The following PIP5K1C variants were observed in gnomAD, a reference collection of about 807,000 sequenced individuals.
PIP5K1C encodes the protein phosphatidylinositol-4-phosphate 5-kinase type 1 gamma.
In PIP5K1C, 45 loss-of-function variants were observed where a neutral mutation model predicts 80.1. The observed-to-expected ratio is 0.56, with a 90% CI of 0.44 to 0.72. The LOEUF is 0.72. Among genes scored for constraint, PIP5K1C ranks in the 30% least tolerant of loss-of-function variants. The probability of loss-of-function intolerance (pLI) is 0.00; values close to 1 mark genes in which losing one functional copy is unlikely to be tolerated. For synonymous variants in PIP5K1C, 498 were observed against 420.1 expected (o/e 1.19, Z -2.27); for missense variants, 753 against 954.6 (o/e 0.79, Z 2.78).
At chr19:3,659,860 G>T (rs1270855189) in intron 5 of PIP5K1C, among the ~76,000 whole-genome samples, 1 of 152,194 alleles carries the variant, frequency 6.6e-6, no homozygotes, top group Non-Finnish European at 1.5e-5. Flanking sequence ...AAAGGCACAA[G>T]GAACCGACCA....
rs1371436526 is a variant in PIP5K1C at position 3,641,813 on chromosome 19, C to T, written c.1683-4G>A. The T allele has an allele frequency of 1.2e-6, 2 of 1,609,404 alleles. No individual in the cohort carries two copies. Among genetic ancestry groups the T allele is most frequent in the Admixed American group, 1.7e-5 (1 of 59,992 alleles). On this transcript the variant is annotated splice_region_variant and splice_polypyrimidine_tract_variant and intron_variant, in intron 14 of 17. Coordinates refer to ENST00000335312, the MANE Select transcript of PIP5K1C (RefSeq NM_012398.3). ...CGCGGGTGGCTCCTCCTGCGGCCTG[C>T]AGGCAATGGGAGGTTGTGCCTCGGT...
chr19:3,659,544 G>A (rs935704980), intron 5 of PIP5K1C, among the ~76,000 whole-genome samples: 1 of 152,344 alleles, frequency 6.6e-6, no homozygotes. Flanking sequence ...ACACGGTAGC[G>A]TCCAGGTCAC....
chr19:3,679,057 G>A (rs1008747069), intron 1 of PIP5K1C, among the ~76,000 whole-genome samples: 1 of 151,982 alleles, frequency 6.6e-6, no homozygotes, highest in African/African-American at 2.4e-5. Flanking sequence ...AGACCCAGGC[G>A]GTAAGTCGTG....
At position 3,651,862 on chromosome 19, in the gene PIP5K1C, C is replaced by A; in HGVS notation, c.1091G>T (p.Gly364Val). The A allele has an allele frequency of 1.2e-6, 2 of 1,612,564 alleles. No homozygotes were observed. Among genetic ancestry groups the A allele is most frequent in the Non-Finnish European group, 1.7e-6 (2 of 1,179,904 alleles). Reference protein sequence around the residue: ...YSTAMESIQGGAARGEAIESD... With the variant: ...YSTAMESIQGVAARGEAIESD... ...TTCGATGGCCTCCCCGCGCGCGGCG[C>A]CACCCTGGATGGACTCCATGGCCGT... Residue 364 changes from glycine (G) to valine (V), a missense_variant, in exon 8 of 18, where the codon GGC becomes GTC. Gly to Val is a moderately radical substitution (Grantham distance 109). Around this residue, in one of 6 missense-constraint regions of PIP5K1C, gnomAD observed 114 missense variants for 152.4 expected, o/e 0.75. Transcript: ENST00000335312.
chr19:3,692,645 ACGTCC>A lies in PIP5K1C; in HGVS notation c.94+7647_94+7651del, dbSNP rs1030152097. Among the ~76,000 whole-genome samples, 7 of 151,660 alleles carry A rather than the reference ACGTCC, an allele frequency of 4.6e-5. No individual in the cohort carries two copies. The highest frequency in any genetic ancestry group is 1.7e-4 in the African/African-American group (7 of 41,208). On this transcript the variant is annotated intron_variant, in intron 1 of 17. Transcript: ENST00000335312. This position sits in a 1 kb window ranked among gnomAD's most constrained non-coding sequence, Gnocchi z 5.2. The stretch of plus-strand genomic sequence containing the variant: ...CCCTCTGCCCTGGTTCCCCTAGCCC[ACGTCC>A]CGCCCTCACCCCATCTGTCCTCCCC...
intron 1 of PIP5K1C, among the ~76,000 whole-genome samples, chr19:3,674,924 T>G (rs992217599): frequency 6.6e-6 from 1 of 151,940 alleles, no homozygotes; most frequent in Non-Finnish European, 1.5e-5. Flanking sequence ...TGAAAAGGAG[T>G]GAGGCTCTGA....
At position 3,637,866 on chromosome 19, in the gene PIP5K1C, C is replaced by T. The variant is rs1028129528; in HGVS notation, c.1920+1018G>A. On this transcript the variant is annotated intron_variant, in intron 16 of 17. Transcript: ENST00000335312. This position sits in a 1 kb window ranked among gnomAD's most constrained non-coding sequence, Gnocchi z 7.0. ...AGCACGACATGGCCCCCAGGCCCCC[C>T]GTACCATCCGGAGACCAGGACGCGC... 211 of 1,535,398 alleles carry T rather than the reference C, an allele frequency of 1.4e-4. No individual in the cohort carries two copies. The African/African-American group carries it at 2.2e-3, about 16-fold the overall frequency.
At chr19:3,638,621 G>A (rs983815921) in intron 16 of PIP5K1C, among the ~76,000 whole-genome samples, 2 of 152,166 alleles carry the variant, frequency 1.3e-5, no homozygotes, top group Admixed American at 1.3e-4. Flanking sequence ...GGGTGGCTCT[G>A]GGGCCTCAGA....
chr19:3,661,218 A>C, intron 4 of PIP5K1C, 135 bp from the exon 5 acceptor site: 1 of 620,328 alleles, frequency 1.6e-6, no homozygotes, highest in Non-Finnish European at 2.9e-6. Flanking sequence ...GAAACGGCCC[A>C]ATCCCACAAG....
At chr19:3,645,735 G>A (rs1017774871) in intron 11 of PIP5K1C, among the ~76,000 whole-genome samples, 5 of 152,270 alleles carry the variant, frequency 3.3e-5, no homozygotes, top group African/African-American at 9.6e-5. Flanking sequence ...TGGGCAGGAC[G>A]AGGCCAGGCT....
At position 3,692,374 on chromosome 19, in the gene PIP5K1C, G is replaced by A. The variant is rs2035975436; in HGVS notation, c.94+7923C>T. Among the ~76,000 whole-genome samples the A allele has an allele frequency of 6.6e-6, 1 of 152,128 alleles. No homozygotes were observed. The highest frequency in any genetic ancestry group is 6.5e-5 in the Admixed American group (1 of 15,286). ...AGGGGCTCCTGGGGCCTCCCTCGCA[G>A]CTCGGCCATGCTGGGCCCCGGCGGC... On this transcript the variant is annotated intron_variant, in intron 1 of 17. Coordinates refer to ENST00000335312, the MANE Select transcript of PIP5K1C (RefSeq NM_012398.3). This position sits in a 1 kb window ranked among gnomAD's most constrained non-coding sequence, Gnocchi z 5.2.
chr19:3,636,277 C>T, intron 16 of PIP5K1C: 1 of 586,506 alleles, frequency 1.7e-6, no homozygotes, highest in Non-Finnish European at 2.2e-6. Context: ...GGGGCAGTAG[C>T]AGCTGGGACC....
chr19:3,669,225 G>C lies in PIP5K1C; in HGVS notation c.95-1872C>G, dbSNP rs575656196. Among the ~76,000 whole-genome samples the C allele has an allele frequency of 6.6e-5, 10 of 152,304 alleles. No individual in the cohort carries two copies. The South Asian group carries it at 1.7e-3, about 25-fold the overall frequency. ...CCCGTGGAGACACTCAGGCTGCGCCGGAGTGTGTGCAGGAGGGTGCGGCAG... is the reference window on the plus strand; with the variant it reads ...CCCGTGGAGACACTCAGGCTGCGCCCGAGTGTGTGCAGGAGGGTGCGGCAG... On this transcript the variant is annotated intron_variant, in intron 1 of 17. Coordinates refer to ENST00000335312, the MANE Select transcript of PIP5K1C (RefSeq NM_012398.3).
At chr19:3,652,750 A>G (rs1412656786) in intron 7 of PIP5K1C, among the ~76,000 whole-genome samples, 1 of 152,214 alleles carries the variant, frequency 6.6e-6, no homozygotes, top group Non-Finnish European at 1.5e-5. Context: ...TGTGGCCTGC[A>G]GAGCAAGCAG....
Position 3,652,624 on chromosome 19 carries a change from G to A in PIP5K1C, c.922-593C>T, listed in dbSNP as rs149747223. Among the ~76,000 whole-genome samples, 546 of 152,346 alleles carry A rather than the reference G, an allele frequency of 3.6e-3. 13 individuals are homozygous for A. Among genetic ancestry groups the A allele is most frequent in the Admixed American group, 0.024 (368 of 15,308 alleles). On this transcript the variant is annotated intron_variant, in intron 7 of 17. Coordinates refer to ENST00000335312, the MANE Select transcript of PIP5K1C (RefSeq NM_012398.3). ...GCTGCCGGGGTGGGACGGGGACGAC[G>A]GAGCTAACCCAGGCAGAGGAAGAGC...
At chr19:3,647,284 TCA>T (rs1749612308) in intron 10 of PIP5K1C, 52 bp downstream of exon 10, 1 of 1,458,652 alleles carries the variant, frequency 6.9e-7, no homozygotes, top group African/African-American at 1.6e-5. Context: ...GTGCAGGCAC[TCA>T]CAGGAGGAGG....
At chr19:3,661,260 A>G (rs2034824832) in intron 4 of PIP5K1C, among the ~76,000 whole-genome samples, 177 bp from the exon 5 acceptor site, 1 of 152,082 alleles carries the variant, frequency 6.6e-6, no homozygotes. Flanking sequence ...ACTGTCCCCC[A>G]GTAACCACCC....
rs746513708 is a variant in PIP5K1C at position 3,648,583 on chromosome 19, C to T, written c.1211+42G>A. On this transcript the variant is annotated intron_variant, in intron 9 of 17. Coordinates refer to ENST00000335312, the MANE Select transcript of PIP5K1C (RefSeq NM_012398.3). This position sits in a 1 kb window ranked among gnomAD's most constrained non-coding sequence, Gnocchi z 4.3. The stretch of plus-strand genomic sequence containing the variant: ...GGGCGCCCACCTGTGGGACTGCAGA[C>T]CCGGGGCGTCCACCTGTAGGACTGC... 6.4e-7 allele frequency: 1 copy of T among 1,559,200 alleles called. No homozygotes were observed. The highest frequency in any genetic ancestry group is 1.1e-5 in the South Asian group (1 of 89,358).
intron 1 of PIP5K1C, among the ~76,000 whole-genome samples, chr19:3,678,078 GAATGGA>G (rs2035440429): frequency 8.5e-6 from 1 of 118,320 alleles, no homozygotes; most frequent in South Asian, 3.1e-4. Flanking sequence ...GATGGAAGGA[GAATGGA>G]GGATGGAGGA....
Sources: gnomAD v4.1 joint callset for allele counts (sites outside exome capture counted in the v4.1 genomes callset) on GRCh38, gnomAD v4.1.1 for gene constraint, gnomAD v4.1.1 regional missense constraint, Gnocchi (gnomAD v3.1) non-coding constraint, MANE v1.5 for transcripts, NCBI Gene and HGNC (gene_info 2026-07-23, HGNC 2026-07-21) for gene names.